TBC1D22A: variants seen among roughly 807,000 people sequenced by gnomAD.
TBC1D22A encodes the protein putative GTPase activator.
In TBC1D22A, 38 loss-of-function variants were observed where a neutral mutation model predicts 60.2. The observed-to-expected ratio is 0.63, with a 90% CI of 0.49 to 0.83. The LOEUF is 0.83. TBC1D22A is among the 40% of genes least tolerant of loss of function. TBC1D22A has a pLI of 0.00. For missense variants in TBC1D22A, 628 were observed against 701.0 expected, an observed-to-expected ratio of 0.90 and a Z score of 1.18; for synonymous variants, 302 against 281.7, an observed-to-expected ratio of 1.07 and a Z score of -0.72.
rs1265121929 is a variant in TBC1D22A at position 47,028,258 on chromosome 22, C to G, written c.1202-8813C>G. Among the ~76,000 whole-genome samples the G allele has an allele frequency of 6.6e-6, 1 of 152,214 alleles. No individual in the cohort carries two copies. Among genetic ancestry groups the G allele is most frequent in the Admixed American group, 6.5e-5 (1 of 15,282 alleles). Reference sequence around the variant, plus strand: ...CAGATAAACACCATTTCTTTACAACCTGCCAGGAGGATTTATTTCATTCTG... The same window carrying G: ...CAGATAAACACCATTTCTTTACAACGTGCCAGGAGGATTTATTTCATTCTG... On this transcript the variant is annotated intron_variant, in intron 10 of 12. Coordinates refer to ENST00000337137, the MANE Select transcript of TBC1D22A (RefSeq NM_014346.5). This position sits in a 1 kb window ranked among gnomAD's most constrained non-coding sequence, Gnocchi z 4.4.
chr22:47,152,052 C>T (rs2067525437), intron 12 of TBC1D22A, among the ~76,000 whole-genome samples: 1 of 152,184 alleles, frequency 6.6e-6, no homozygotes, highest in African/African-American at 2.4e-5. Flanking sequence ...GGGCTGTCTG[C>T]CTGCCTGGAC....
intron 11 of TBC1D22A, among the ~76,000 whole-genome samples, chr22:47,042,995 C>G (rs538203481): frequency 2.0e-5 from 3 of 152,180 alleles, no homozygotes; most frequent in Non-Finnish European, 4.4e-5. Context: ...CCTTGGGCCC[C>G]GAATCACTCA....
intron 11 of TBC1D22A, among the ~76,000 whole-genome samples, chr22:47,097,893 G>A (rs2065246963): frequency 6.6e-6 from 1 of 152,070 alleles, no homozygotes; most frequent in Non-Finnish European, 1.5e-5. Context: ...CTTTGCCTTT[G>A]ACTGGTCAGA....
chr22:47,082,892 G>A (rs911391704), intron 11 of TBC1D22A, among the ~76,000 whole-genome samples: 2 of 152,188 alleles, frequency 1.3e-5, no homozygotes, highest in African/African-American at 2.4e-5. Flanking sequence ...CCACAAAAAA[G>A]TACTTGTACC....
At chr22:47,029,662 G>T (rs1008783172) in intron 10 of TBC1D22A, among the ~76,000 whole-genome samples, 1 of 152,240 alleles carries the variant, frequency 6.6e-6, no homozygotes, top group East Asian at 1.9e-4. Flanking sequence ...GGCGGGGATG[G>T]CAGGAGCCCT....
At chr22:47,005,968 A>G (rs2061578461) in intron 10 of TBC1D22A, among the ~76,000 whole-genome samples, 1 of 152,004 alleles carries the variant, frequency 6.6e-6, no homozygotes, top group Non-Finnish European at 1.5e-5. Flanking sequence ...ACATGCCTAT[A>G]CACACACCTA....
intron 1 of TBC1D22A, among the ~76,000 whole-genome samples, chr22:46,786,221 ATGAG>A (rs1171685366): frequency 1.3e-5 from 2 of 152,198 alleles, no homozygotes; most frequent in Non-Finnish European, 2.9e-5. Context: ...TTTATAATGA[ATGAG>A]TATTGAATTT....
rs1470704868 is a variant in TBC1D22A at position 47,009,306 on chromosome 22, T to A, written c.1201+11597T>A. Reference sequence around the variant, plus strand: ...ATCACCAGCATCATAAACACCATCATCACCACCATCATGTCATCATCACCA... The same window carrying A: ...ATCACCAGCATCATAAACACCATCAACACCACCATCATGTCATCATCACCA... On this transcript the variant is annotated intron_variant, in intron 10 of 12. Transcript: ENST00000337137. This position sits in a 1 kb window ranked among gnomAD's most constrained non-coding sequence, Gnocchi z 5.8. Among the ~76,000 whole-genome samples the A allele has an allele frequency of 6.6e-6, 1 of 151,338 alleles. No homozygotes were observed. The highest frequency in any genetic ancestry group is 1.5e-5 in the Non-Finnish European group (1 of 67,858).
intron 8 of TBC1D22A, chr22:46,913,870 G>A: frequency 3.3e-6 from 2 of 611,704 alleles, no homozygotes; most frequent in South Asian, 1.4e-4. Flanking sequence ...AGGATGAAGG[G>A]GCATGACCAC....
At chr22:46,851,033 C>T (rs2087248988) in intron 4 of TBC1D22A, among the ~76,000 whole-genome samples, 1 of 152,120 alleles carries the variant, frequency 6.6e-6, no homozygotes, top group Non-Finnish European at 1.5e-5. Flanking sequence ...AGTGAACAGG[C>T]ACGTGGTTCC....
At chr22:47,069,744 C>G (rs949866174) in intron 11 of TBC1D22A, among the ~76,000 whole-genome samples, 2 of 103,490 alleles carry the variant, frequency 1.9e-5, no homozygotes, top group Non-Finnish European at 3.7e-5. Context: ...TTGGTTGGAG[C>G]GGAGCTGACC....
At chr22:46,915,637 G>T (rs1409147612) in intron 8 of TBC1D22A, 1 of 456,648 alleles carries the variant, frequency 2.2e-6, no homozygotes, top group Admixed American at 2.3e-5. Context: ...GTTAATCAAA[G>T]GTTTAAGAAA....
At chr22:47,086,900 G>T (rs572801327) in intron 11 of TBC1D22A, among the ~76,000 whole-genome samples, 51 of 152,360 alleles carry the variant, frequency 3.3e-4, no homozygotes, top group African/African-American at 1.2e-3. Context: ...GTATCTACAG[G>T]CCTGTTCATC....
chr22:47,166,336 A>G (rs1339567041), intron 12 of TBC1D22A, among the ~76,000 whole-genome samples: 1 of 152,226 alleles, frequency 6.6e-6, no homozygotes, highest in Admixed American at 6.5e-5. Flanking sequence ...GCCACATAGG[A>G]ACGTGAAAAC....
At chr22:46,970,326 A>C (rs1373968336) in intron 8 of TBC1D22A, among the ~76,000 whole-genome samples, 1 of 151,426 alleles carries the variant, frequency 6.6e-6, no homozygotes, top group African/African-American at 2.4e-5. Flanking sequence ...TCACCTGTGT[A>C]TTGATCATTT....
At chr22:46,906,750 C>CTG (rs141704663) in intron 7 of TBC1D22A, among the ~76,000 whole-genome samples, 13,997 of 151,892 alleles carry the variant, frequency 0.092, 931 homozygotes, top group Middle Eastern at 0.17. Context: ...TGGCCCGTGG[C>CTG]TGTGTGTGTG....
At chr22:47,100,606 G>C (rs2065375102) in intron 11 of TBC1D22A, among the ~76,000 whole-genome samples, 1 of 152,186 alleles carries the variant, frequency 6.6e-6, no homozygotes, top group African/African-American at 2.4e-5. Flanking sequence ...GTTTTAAAAA[G>C]AGGTGCTCCT....
chr22:46,856,499 A>T (rs961178505), intron 4 of TBC1D22A, among the ~76,000 whole-genome samples: 2 of 152,256 alleles, frequency 1.3e-5, no homozygotes, highest in Admixed American at 1.3e-4. Context: ...GATTTTTAAC[A>T]TGAAATAGCA....
At chr22:46,978,956 A>G (rs183800955) in intron 9 of TBC1D22A, among the ~76,000 whole-genome samples, 1 of 152,236 alleles carries the variant, frequency 6.6e-6, no homozygotes. Flanking sequence ...TTCTTTTTTC[A>G]TTCATACTAT....
Sources: allele counts gnomAD v4.1 joint callset (sites outside exome capture counted in the v4.1 genomes callset), GRCh38; gene constraint gnomAD v4.1.1; non-coding constraint Gnocchi (gnomAD v3.1); transcripts MANE v1.5; gene names NCBI Gene and HGNC (gene_info 2026-07-23, HGNC 2026-07-21).